The following VRK2 variants were observed in gnomAD, a reference collection of about 807,000 sequenced individuals.
VRK2 encodes serine/threonine-protein kinase VRK2.
Under a neutral mutation model 57.6 loss-of-function variants are expected in VRK2, and 60 were observed. That is an observed-to-expected ratio of 1.04 (90% confidence interval 0.85 to 1.29). The LOEUF is 1.29. Among genes scored for constraint, VRK2 ranks in the 50% most tolerant of loss-of-function variants. The pLI, the probability that VRK2 is intolerant of heterozygous loss-of-function variation, is 0.00. For missense variants in VRK2, 705 were observed against 588.1 expected, an observed-to-expected ratio of 1.20 and a Z score of -2.06; for synonymous variants, 231 against 199.2, an observed-to-expected ratio of 1.16 and a Z score of -1.35.
chr2:58,042,408 G>C (rs1409969817), upstream of VRK2, among the ~76,000 whole-genome samples: 1 of 152,124 alleles, frequency 6.6e-6, no homozygotes, highest in African/African-American at 2.4e-5. Context: ...GAGATTGTAA[G>C]TTTATGAGTG....
chr2:57,954,101 T>G (rs1671510023), intron 1 of VRK2, among the ~76,000 whole-genome samples: 1 of 152,138 alleles, frequency 6.6e-6, no homozygotes, highest in Non-Finnish European at 1.5e-5. Context: ...CTCTACATAT[T>G]TATATTTCTG....
intron 1 of VRK2, among the ~76,000 whole-genome samples, chr2:57,969,310 T>TC (rs1672020570): frequency 6.6e-6 from 1 of 151,920 alleles, no homozygotes; most frequent in Admixed American, 6.6e-5. Flanking sequence ...GAAATCAAGT[T>TC]TTTTTTTGAA....
chr2:58,139,812 C>T lies in VRK2; in HGVS notation c.1003C>T (p.His335Tyr), dbSNP rs772409945. Residue 335 changes from histidine (H) to tyrosine (Y), a missense_variant, in exon 11 of 13, where the codon CAT becomes TAT. By Grantham distance (83) the His-to-Tyr change is moderately conservative (BLOSUM62 2). Transcript: ENST00000340157. ...CACAAAAGGACAGAGTATAAATGTC[C>T]ATACTCCAAACAGTCAAAAAGTAAG... ...FSTKGQSINV[H>Y]TPNSQKVDSQ... 1.9e-6 allele frequency: 3 copies of T among 1,611,426 alleles called. No individual in the cohort carries two copies. The highest frequency in any genetic ancestry group is 1.1e-5 in the South Asian group (1 of 90,688).
At chr2:58,062,888 C>G (rs1190823965) in intron 2 of VRK2, among the ~76,000 whole-genome samples, 1 of 152,064 alleles carries the variant, frequency 6.6e-6, no homozygotes, top group Non-Finnish European at 1.5e-5. Context: ...CACTAAATAA[C>G]AAATTTTCAG....
intron 1 of VRK2, among the ~76,000 whole-genome samples, chr2:57,908,150 G>T (rs1400666051): frequency 6.6e-6 from 1 of 152,152 alleles, no homozygotes; most frequent in Non-Finnish European, 1.5e-5. Context: ...GCATAGTCAG[G>T]AGTTAAAGAA....
At chr2:58,081,216 TA>T (rs1670820744) in intron 2 of VRK2, among the ~76,000 whole-genome samples, 1 of 151,990 alleles carries the variant, frequency 6.6e-6, no homozygotes, top group East Asian at 1.9e-4. Flanking sequence ...TACTATCAGC[TA>T]TGTACATAAC....
At chr2:58,110,268 A>C (rs1474395373) in intron 7 of VRK2, among the ~76,000 whole-genome samples, 1 of 152,232 alleles carries the variant, frequency 6.6e-6, no homozygotes, top group Non-Finnish European at 1.5e-5. Flanking sequence ...ATATACATGT[A>C]TGTAGCAACT....
At chr2:57,981,501 T>G (rs950973459) in intron 1 of VRK2, among the ~76,000 whole-genome samples, 3 of 152,228 alleles carry the variant, frequency 2.0e-5, no homozygotes. Flanking sequence ...GAGAATCTGA[T>G]GATTATGTGT....
chr2:58,018,667 T>C (rs534226873), intron 1 of VRK2, among the ~76,000 whole-genome samples: 3 of 152,176 alleles, frequency 2.0e-5, no homozygotes, highest in Non-Finnish European at 4.4e-5. Context: ...TGTGGAGAAA[T>C]TACATCTAAA....
chr2:57,936,798 A>G (rs1421203865), intron 1 of VRK2, among the ~76,000 whole-genome samples: 2 of 152,230 alleles, frequency 1.3e-5, no homozygotes, highest in South Asian at 2.1e-4. Context: ...TAAACTCTCA[A>G]TAAAAATTTC....
intron 1 of VRK2, among the ~76,000 whole-genome samples, chr2:57,924,534 T>G (rs547258858): frequency 3.4e-4 from 51 of 152,198 alleles, no homozygotes; most frequent in African/African-American, 1.2e-3. Flanking sequence ...TTTTGGCATA[T>G]AGAAATGCTA....
In VRK2 at chr2:58,032,318, C is replaced by T. The variant is rs145470586; in HGVS notation, c.-332-909C>T. Reference sequence around the variant, plus strand: ...AGCTTTATAAACAAAAGATTTATTTCTCAAATGTATTCAGTTCTGGAGGGT... The same window carrying T: ...AGCTTTATAAACAAAAGATTTATTTTTCAAATGTATTCAGTTCTGGAGGGT... On this transcript the variant is annotated intron_variant, in intron 2 of 15. Transcript: ENST00000417641. Among the ~76,000 whole-genome samples, 646 of 152,120 alleles carry T rather than the reference C, an allele frequency of 4.2e-3. 6 individuals carry two copies. Among genetic ancestry groups the T allele is most frequent in the African/African-American group, 0.015 (614 of 41,506 alleles).
chr2:57,941,805 A>G (rs1186079417), intron 1 of VRK2, among the ~76,000 whole-genome samples: 1 of 152,230 alleles, frequency 6.6e-6, no homozygotes, highest in African/African-American at 2.4e-5. Context: ...TTCATTAGTG[A>G]CACTTGAAAT....
At chr2:58,043,228 T>A (rs139061830), upstream of VRK2, among the ~76,000 whole-genome samples, 1 of 152,124 alleles carries the variant, frequency 6.6e-6, no homozygotes, top group East Asian at 1.9e-4. Flanking sequence ...TATGAAAATA[T>A]GGTGGTTCAG....
intron 2 of VRK2, among the ~76,000 whole-genome samples, chr2:58,066,670 G>A (rs1668653240): frequency 6.6e-6 from 1 of 152,024 alleles, no homozygotes; most frequent in South Asian, 2.1e-4. Context: ...AAAATGTTTT[G>A]TATAGTTATA....
In VRK2 at chr2:58,131,937, T is replaced by G. The variant is rs769414418; in HGVS notation, c.797+9T>G. Reference sequence around the variant, plus strand: ...CAGACTGCTAAAACAAAGTACAAATTTTCAAGTATTTCATCATGTACTGCA... The same window carrying G: ...CAGACTGCTAAAACAAAGTACAAATGTTCAAGTATTTCATCATGTACTGCA... On this transcript the variant is annotated intron_variant, in intron 9 of 12. Transcript: ENST00000340157. 3 of 1,613,932 alleles carry G rather than the reference T, an allele frequency of 1.9e-6. No individual in the cohort carries two copies. Among genetic ancestry groups the G allele is most frequent in the Non-Finnish European group, 1.7e-6 (2 of 1,179,926 alleles).
At chr2:58,151,219 C>T (rs1024454272) in intron 12 of VRK2, among the ~76,000 whole-genome samples, 1 of 151,552 alleles carries the variant, frequency 6.6e-6, no homozygotes, top group Non-Finnish European at 1.5e-5. Flanking sequence ...CTCTTCTATA[C>T]ATTTTTGCTT....
intron 2 of VRK2, among the ~76,000 whole-genome samples, chr2:58,081,851 C>G (rs1308523677): frequency 8.1e-6 from 1 of 124,162 alleles, no homozygotes; most frequent in South Asian, 2.6e-4. Flanking sequence ...AAGCATATAC[C>G]ATGTCCGTGT....
At chr2:57,923,912 TA>T (rs1419821653) in intron 1 of VRK2, among the ~76,000 whole-genome samples, 1 of 151,930 alleles carries the variant, frequency 6.6e-6, no homozygotes, top group Non-Finnish European at 1.5e-5. Flanking sequence ...TGGGGAGAGA[TA>T]GGGGTCTAGT....
Sources: gnomAD v4.1 joint callset for allele counts (sites outside exome capture counted in the v4.1 genomes callset) on GRCh38, gnomAD v4.1.1 for gene constraint, MANE v1.5 for transcripts, NCBI Gene and HGNC (gene_info 2026-07-23, HGNC 2026-07-21) for gene names.